SEMA3D: variants seen among roughly 807,000 people sequenced by gnomAD.
SEMA3D encodes semaphorin-3D.
SEMA3D carries 84 observed loss-of-function variants against 100.1 expected under a neutral mutation model. The ratio of observed to expected loss-of-function variants is 0.84; its 90% CI spans 0.70 to 1.01. The LOEUF (loss-of-function observed/expected upper bound fraction) is 1.01. Among genes scored for constraint, SEMA3D ranks in the 50% least tolerant of loss-of-function variants. The pLI is 0.00. For missense variants in SEMA3D, 875 were observed against 934.1 expected, an observed-to-expected ratio of 0.94 and a Z score of 0.82; for synonymous variants, 312 against 320.7, an observed-to-expected ratio of 0.97 and a Z score of 0.29.
At chr7:85,121,247 G>T (rs1205480788) in intron 3 of SEMA3D, among the ~76,000 whole-genome samples, 2 of 152,200 alleles carry the variant, frequency 1.3e-5, no homozygotes, top group East Asian at 3.9e-4. Context: ...TAGCTTAGCA[G>T]ATTTCATTTC....
At chr7:85,249,964 A>G in the SEMA3D span, among the ~76,000 whole-genome samples, 19 of 152,168 alleles carry the variant, frequency 1.2e-4, no homozygotes, top group African/African-American at 4.6e-4. Context: ...TACCGGGTTC[A>G]TCTCACTAGG....
intron 3 of SEMA3D, among the ~76,000 whole-genome samples, chr7:85,110,275 T>C: frequency 6.6e-6 from 1 of 151,996 alleles, no homozygotes; most frequent in East Asian, 1.9e-4. Context: ...TGGATTGCAA[T>C]TATTATCATA....
At chr7:85,053,255 C>T (rs1425028221) in intron 9 of SEMA3D, among the ~76,000 whole-genome samples, 1 of 151,934 alleles carries the variant, frequency 6.6e-6, no homozygotes, top group African/African-American at 2.4e-5. Flanking sequence ...ACAGTTTACT[C>T]TTAGTTTCCT....
At chr7:85,098,997 G>A (rs527745392) in intron 3 of SEMA3D, among the ~76,000 whole-genome samples, 18 of 151,918 alleles carry the variant, frequency 1.2e-4, no homozygotes, top group Non-Finnish European at 1.9e-4. Flanking sequence ...TGTTTTCATG[G>A]CTTGATAGCT....
intron 2 of SEMA3D, chr7:85,151,533 A>G (rs1790386245): frequency 1.5e-6 from 1 of 649,638 alleles, no homozygotes; most frequent in Non-Finnish European, 1.9e-6. Context: ...GGGATTAGAC[A>G]ATATATATTT....
At chr7:85,102,524 A>G (rs903293553) in intron 3 of SEMA3D, among the ~76,000 whole-genome samples, 1 of 152,026 alleles carries the variant, frequency 6.6e-6, no homozygotes, top group Non-Finnish European at 1.5e-5. Flanking sequence ...GCCAGCATCT[A>G]GATGATTACA....
the SEMA3D span, among the ~76,000 whole-genome samples, chr7:85,219,270 G>C: frequency 6.6e-6 from 1 of 152,012 alleles, no homozygotes; most frequent in Non-Finnish European, 1.5e-5. Flanking sequence ...AAAACCAGGA[G>C]TCCTTGGGGA....
At chr7:85,011,172 A>T (rs558467872) in intron 17 of SEMA3D, among the ~76,000 whole-genome samples, 1 of 151,996 alleles carries the variant, frequency 6.6e-6, no homozygotes, top group African/African-American at 2.4e-5. Context: ...AATTTTAAGC[A>T]ATCAACTTAT....
At chr7:85,129,058 T>C (rs1422071732) in intron 2 of SEMA3D, among the ~76,000 whole-genome samples, 1 of 150,832 alleles carries the variant, frequency 6.6e-6, no homozygotes. Flanking sequence ...GCCCAGCTAA[T>C]TTTTTTTTGT....
chr7:85,110,625 A>G (rs1789067973), intron 3 of SEMA3D, among the ~76,000 whole-genome samples: 1 of 152,006 alleles, frequency 6.6e-6, no homozygotes, highest in Non-Finnish European at 1.5e-5. Flanking sequence ...CATGTTCTAA[A>G]TGTACCCTGT....
chr7:85,242,408 T>C, the SEMA3D span, among the ~76,000 whole-genome samples: 2 of 152,208 alleles, frequency 1.3e-5, no homozygotes, highest in African/African-American at 4.8e-5. Context: ...TAAATGTCTC[T>C]GAGATATTTT....
chr7:85,138,728 T>A (rs1222678565), intron 2 of SEMA3D, among the ~76,000 whole-genome samples: 1 of 150,948 alleles, frequency 6.6e-6, no homozygotes, highest in African/African-American at 2.4e-5. Context: ...GTGGGTTACA[T>A]AGGTATACAC....
chr7:85,163,983 C>A (rs1037675644), intron 1 of SEMA3D, among the ~76,000 whole-genome samples: 1 of 152,022 alleles, frequency 6.6e-6, no homozygotes, highest in East Asian at 1.9e-4. Flanking sequence ...AAGTAATAAT[C>A]ACCAATCTTT....
At chr7:85,064,565 A>G (rs1273930485) in intron 8 of SEMA3D, among the ~76,000 whole-genome samples, 3 of 152,152 alleles carry the variant, frequency 2.0e-5, no homozygotes, top group African/African-American at 7.2e-5. Context: ...ATAGAGAGAT[A>G]GACCCTAGGA....
rs201849290 is a variant in SEMA3D, at chr7:85,053,933, A to ATG, written c.861+1782_861+1783dup. 4.4e-4 allele frequency among the ~76,000 whole-genome samples: 66 copies of ATG among 150,556 alleles called. 1 individual carries two copies. Among genetic ancestry groups the ATG allele is most frequent in the South Asian group, 4.2e-3 (20 of 4,782 alleles). On this transcript the variant is annotated intron_variant, in intron 9 of 18. Transcript: ENST00000284136. ...GGCCTCAGAGGTTTTGTGTGTGTGT[A>ATG]TGTGTGTGTGTGTGTGATGAGAAAA... is the stretch of plus-strand genomic sequence containing the variant.
At chr7:85,196,607 C>G in the SEMA3D span, among the ~76,000 whole-genome samples, 103,148 of 151,944 alleles carry the variant, frequency 0.68, 35,989 homozygotes, top group East Asian at 0.92. Flanking sequence ...TTACTTGAAT[C>G]AATGAGAAAA....
the SEMA3D span, among the ~76,000 whole-genome samples, chr7:85,204,609 T>C: frequency 1.3e-5 from 2 of 152,204 alleles, no homozygotes; most frequent in Admixed American, 1.3e-4. Context: ...CCCTTCCATA[T>C]TGTTGATTAC....
chr7:85,126,405 G>A (rs200754874), intron 2 of SEMA3D, among the ~76,000 whole-genome samples: 27 of 119,752 alleles, frequency 2.3e-4, no homozygotes, highest in Admixed American at 1.2e-3. Context: ...TGTGTGTGTC[G>A]TGTGTGTGTG....
the SEMA3D span, among the ~76,000 whole-genome samples, chr7:85,248,418 T>C: frequency 2.0e-5 from 3 of 152,130 alleles, no homozygotes; most frequent in Non-Finnish European, 4.4e-5. Flanking sequence ...AGTTTGGTGG[T>C]TCCTTACAAA....
Sources: allele counts gnomAD v4.1 joint callset (sites outside exome capture counted in the v4.1 genomes callset), GRCh38; gene constraint gnomAD v4.1.1; transcripts MANE v1.5; gene names NCBI Gene and HGNC (gene_info 2026-07-23, HGNC 2026-07-21).